The following MCC variants were observed in gnomAD, a reference collection of about 807,000 sequenced individuals.
MCC encodes colorectal mutant cancer protein.
A neutral mutation model predicts 116.2 loss-of-function variants in MCC; 90 were observed. The ratio of observed to expected loss-of-function variants is 0.77; its 90% CI spans 0.65 to 0.92. MCC has a LOEUF of 0.92. Ranked by LOEUF, MCC falls within the 40% of genes least tolerant of loss-of-function variation. The pLI, the probability that MCC is intolerant of heterozygous loss-of-function variation, is 0.00. For synonymous variants in MCC, 578 were observed against 510.5 expected, an observed-to-expected ratio of 1.13 and a Z score of -1.78; for missense variants, 1,516 against 1,312.2, an observed-to-expected ratio of 1.16 and a Z score of -2.40.
intron 1 of MCC, among the ~76,000 whole-genome samples, chr5:113,410,561 G>A (rs1448221637): frequency 2.6e-5 from 4 of 152,054 alleles, no homozygotes; most frequent in Admixed American, 1.3e-4. Context: ...CTGACACTGC[G>A]GGATAGTAAA....
rs138495051 is a variant in MCC, at chr5:113,192,102, T to A, written c.628-40680A>T. 2.0e-5 allele frequency among the ~76,000 whole-genome samples: 3 copies of A among 152,326 alleles called. No individual in the cohort carries two copies. In the East Asian group the frequency reaches 5.8e-4, roughly 29 times the overall value. On this transcript the variant is annotated intron_variant, in intron 3 of 18. Transcript: ENST00000408903. ...ATGATGTTTATGTCACTTTTTGAGC[T>A]TAGATCTCATTCCAGTGTGCTGGGG...
In MCC at chr5:113,122,817, A is replaced by T. The variant is rs199896071; in HGVS notation, c.894T>A (p.Asp298Glu). Reference sequence around the variant, plus strand: ...GTTCTGATCGCAGTTCTGAGTACTCATCTTCCTCCCTGAGAAAAAAGGAGA... The same window carrying T: ...GTTCTGATCGCAGTTCTGAGTACTCTTCTTCCTCCCTGAGAAAAAAGGAGA... ...RLQGTTIREEDEYSELRSELS... is the reference protein window; with the variant it reads ...RLQGTTIREEEEYSELRSELS... The change falls in exon 6 of 19, where the codon GAT (aspartate) becomes GAA (glutamate). Residue 298 changes from aspartate (D) to glutamate (E), a missense_variant. Coordinates refer to ENST00000408903, the MANE Select transcript of MCC (RefSeq NM_001085377.2). 9 of 1,614,042 alleles carry T rather than the reference A, an allele frequency of 5.6e-6. No individual in the cohort carries two copies. Among genetic ancestry groups the T allele is most frequent in the Non-Finnish European group, 7.6e-6 (9 of 1,180,016 alleles).
intron 3 of MCC, among the ~76,000 whole-genome samples, chr5:113,320,085 C>G (rs1018347801): frequency 6.6e-6 from 1 of 152,200 alleles, no homozygotes; most frequent in African/African-American, 2.4e-5. Flanking sequence ...TTTGTGCATT[C>G]TTATTTCAAA....
At chr5:113,103,110 T>A (rs552486264) in intron 7 of MCC, among the ~76,000 whole-genome samples, 1 of 151,876 alleles carries the variant, frequency 6.6e-6, no homozygotes, top group South Asian at 2.1e-4. Flanking sequence ...CAAGACTCCG[T>A]CTAAAAAAAA....
chr5:113,115,657 C>T (rs186455256), intron 6 of MCC, among the ~76,000 whole-genome samples: 181 of 152,190 alleles, frequency 1.2e-3, no homozygotes, highest in African/African-American at 4.2e-3. Flanking sequence ...CCTCCAGCCT[C>T]GGTGGCAGAA....
intron 1 of MCC, among the ~76,000 whole-genome samples, chr5:113,456,848 T>G (rs1431432241): frequency 1.3e-5 from 2 of 151,786 alleles, no homozygotes; most frequent in South Asian, 2.1e-4. Context: ...TACTTTTGAG[T>G]GTCATGTCAG....
chr5:113,258,719 T>C (rs1047308060), intron 3 of MCC, among the ~76,000 whole-genome samples: 1 of 152,222 alleles, frequency 6.6e-6, no homozygotes, highest in Non-Finnish European at 1.5e-5. Flanking sequence ...GAAATGATTT[T>C]AGTTTGTGGT....
chr5:113,030,063 G>A (rs1022387205), intron 17 of MCC, among the ~76,000 whole-genome samples: 1 of 152,220 alleles, frequency 6.6e-6, no homozygotes, highest in Non-Finnish European at 1.5e-5. Context: ...GGCATATTAA[G>A]AAACCAGGAT....
At chr5:113,184,449 AT>A (rs1761788529) in intron 3 of MCC, among the ~76,000 whole-genome samples, 1 of 150,054 alleles carries the variant, frequency 6.7e-6, no homozygotes, top group African/African-American at 2.5e-5. Flanking sequence ...CTTTTCCCAC[AT>A]AGCAATTTAG....
At chr5:113,311,879 G>A (rs1006747363) in intron 3 of MCC, among the ~76,000 whole-genome samples, 36 of 152,038 alleles carry the variant, frequency 2.4e-4, no homozygotes, top group African/African-American at 7.7e-4. Flanking sequence ...AGGCTGAGGC[G>A]GGCAGATCAC....
intron 3 of MCC, among the ~76,000 whole-genome samples, chr5:113,288,734 G>A (rs1766358058): frequency 6.6e-6 from 1 of 152,162 alleles, no homozygotes; most frequent in African/African-American, 2.4e-5. Context: ...CTAATGAAAG[G>A]AATTAATGTA....
chr5:113,443,815 T>G (rs945658447), intron 1 of MCC, among the ~76,000 whole-genome samples: 1 of 152,204 alleles, frequency 6.6e-6, no homozygotes, highest in South Asian at 2.1e-4. Context: ...TTTGCATATG[T>G]TGAACCAGCC....
At chr5:113,424,651 G>T (rs928368404) in intron 1 of MCC, among the ~76,000 whole-genome samples, 1 of 152,086 alleles carries the variant, frequency 6.6e-6, no homozygotes, top group Non-Finnish European at 1.5e-5. Context: ...AGGCAAAGGT[G>T]ACAGTGAGCT....
chr5:113,218,154 C>T (rs1763398189), intron 3 of MCC, among the ~76,000 whole-genome samples: 1 of 151,306 alleles, frequency 6.6e-6, no homozygotes, highest in South Asian at 2.1e-4. Flanking sequence ...TGGGGGAGCC[C>T]TTTACCCAGC....
At chr5:113,356,051 C>T (rs1768402858) in intron 2 of MCC, among the ~76,000 whole-genome samples, 1 of 131,298 alleles carries the variant, frequency 7.6e-6, no homozygotes, top group Non-Finnish European at 1.6e-5. Context: ...TTTGAAGTGA[C>T]AGGCAAGGTG....
intron 2 of MCC, among the ~76,000 whole-genome samples, chr5:113,375,390 A>G (rs1187439475): frequency 6.6e-6 from 1 of 152,190 alleles, no homozygotes; most frequent in Non-Finnish European, 1.5e-5. Context: ...GATTCACAAT[A>G]ATTTCACAAA....
At chr5:113,433,394 G>C in intron 1 of MCC, 1 of 530,432 alleles carries the variant, frequency 1.9e-6, no homozygotes, top group South Asian at 1.7e-5. Context: ...GGTGGACAGC[G>C]GTGCCTTCCT....
intron 3 of MCC, among the ~76,000 whole-genome samples, chr5:113,207,460 G>T (rs7704542): frequency 0.022 from 3,234 of 149,116 alleles, 108 homozygotes; most frequent in African/African-American, 0.057. Context: ...CGTGGAGGGT[G>T]GGGGGTGGGG....
At chr5:113,372,001 A>G (rs1194264721) in intron 2 of MCC, among the ~76,000 whole-genome samples, 5 of 152,226 alleles carry the variant, frequency 3.3e-5, no homozygotes, top group Non-Finnish European at 5.9e-5. Flanking sequence ...TCACTGCCAC[A>G]GAAATTGGAA....
Sources: allele counts gnomAD v4.1 joint callset (sites outside exome capture counted in the v4.1 genomes callset), GRCh38; gene constraint gnomAD v4.1.1; transcripts MANE v1.5; gene names NCBI Gene and HGNC (gene_info 2026-07-23, HGNC 2026-07-21).